OLA1: variants seen among roughly 807,000 people sequenced by gnomAD.
The protein encoded by OLA1 is Obg like ATPase 1.
A neutral mutation model predicts 48.4 loss-of-function variants in OLA1; 14 were observed. The ratio of observed to expected loss-of-function variants is 0.29; its 90% CI spans 0.19 to 0.45. The LOEUF (loss-of-function observed/expected upper bound fraction) is 0.45, where lower values mean the gene tolerates loss of function less well. OLA1 is among the 20% of genes least tolerant of loss of function. The pLI, the probability that OLA1 is intolerant of heterozygous loss-of-function variation, is 1.00. For synonymous variants in OLA1, 127 were observed against 150.4 expected (o/e 0.84, Z 1.14); for missense variants, 325 against 467.1 (o/e 0.70, Z 2.80).
At position 174,247,351 on chromosome 2, in the gene OLA1, G is replaced by A. The variant is rs549536331; in HGVS notation, c.1-536C>T. The A allele has an allele frequency of 5.9e-5, 13 of 219,844 alleles. No homozygotes were observed. In the South Asian group the frequency reaches 9.5e-4, roughly 16 times the overall value. 13.6% of individuals were successfully genotyped at this position (219,844 alleles called of 1,614,324 possible). A position where few individuals can be genotyped will look rare whatever the true frequency, so the allele number is the denominator to read the frequency against. Reference sequence around the variant, plus strand: ...TCACGCCACTGGGCTCTGCCTGAGCGACAAAGCTAGGCTCTGTCTTAAATA... The same window carrying A: ...TCACGCCACTGGGCTCTGCCTGAGCAACAAAGCTAGGCTCTGTCTTAAATA... On this transcript the variant is annotated intron_variant, in intron 1 of 10. Transcript: ENST00000284719.
chr2:174,176,950 G>A (rs777234669), intron 4 of OLA1, among the ~76,000 whole-genome samples: 12 of 152,070 alleles, frequency 7.9e-5, no homozygotes, highest in Non-Finnish European at 1.3e-4. Context: ...ATTGAGAGAA[G>A]CCATCTTATG....
At chr2:174,088,909 T>TAAAG (rs1479039151) in intron 7 of OLA1, among the ~76,000 whole-genome samples, 2 of 151,630 alleles carry the variant, frequency 1.3e-5, no homozygotes, top group African/African-American at 4.8e-5. Context: ...AATAAATAAA[T>TAAAG]AAATAAAGCT....
intron 7 of OLA1, among the ~76,000 whole-genome samples, chr2:174,113,149 C>T (rs889254713): frequency 1.3e-5 from 2 of 152,042 alleles, no homozygotes; most frequent in South Asian, 2.1e-4. Context: ...TTCACCATGT[C>T]GGTCAGGTTG....
intron 10 of OLA1, among the ~76,000 whole-genome samples, chr2:174,077,721 G>A (rs1684779804): frequency 6.6e-6 from 1 of 151,872 alleles, no homozygotes; most frequent in Non-Finnish European, 1.5e-5. Context: ...ATCTACTAAG[G>A]ATTGGTAAAC....
At chr2:174,187,441 T>C (rs182583049) in intron 4 of OLA1, among the ~76,000 whole-genome samples, 12 of 152,194 alleles carry the variant, frequency 7.9e-5, no homozygotes, top group African/African-American at 2.9e-4. Flanking sequence ...CTTGCTATTT[T>C]CAAGGAGTGA....
At chr2:174,203,091 CAT>C (rs1198771033) in intron 4 of OLA1, among the ~76,000 whole-genome samples, 1 of 152,048 alleles carries the variant, frequency 6.6e-6, no homozygotes, top group Non-Finnish European at 1.5e-5. Flanking sequence ...TATTATCGAA[CAT>C]GTCATTTACT....
chr2:174,152,524 T>C (rs1686769570), intron 4 of OLA1, among the ~76,000 whole-genome samples: 2 of 152,204 alleles, frequency 1.3e-5, no homozygotes, highest in South Asian at 2.1e-4. Flanking sequence ...ACAAAATAAC[T>C]AATAGCACAT....
At chr2:174,181,637 T>C (rs1406578589) in intron 4 of OLA1, among the ~76,000 whole-genome samples, 1 of 152,142 alleles carries the variant, frequency 6.6e-6, no homozygotes, top group Non-Finnish European at 1.5e-5. Flanking sequence ...CAAGTGGATG[T>C]AGGGTGACAG....
rs1444830277 is a variant in OLA1, at chr2:174,153,816, CTTA to C, written c.374-11819_374-11817del. On this transcript the variant is annotated intron_variant, in intron 4 of 10. Transcript: ENST00000284719. ...CAACAAGATTTTTCACTTCTTATTC[CTTA>C]TTATATAACAGATACTTTAAATGTG... 2.6e-5 allele frequency among the ~76,000 whole-genome samples: 4 copies of C among 152,238 alleles called. No individual in the cohort carries two copies. In the East Asian group the frequency reaches 7.7e-4, roughly 29 times the overall value.
chr2:174,087,277 C>T (rs1327043679), intron 7 of OLA1, among the ~76,000 whole-genome samples: 1 of 152,060 alleles, frequency 6.6e-6, no homozygotes, highest in African/African-American at 2.4e-5. Context: ...CCACCCGCCT[C>T]GGCCTCCCAA....
chr2:174,212,794 C>T (rs1226679972), intron 4 of OLA1, among the ~76,000 whole-genome samples: 1 of 152,294 alleles, frequency 6.6e-6, no homozygotes, highest in African/African-American at 2.4e-5. Context: ...CTGTCTTCCA[C>T]CTCCACATCT....
intron 3 of OLA1, among the ~76,000 whole-genome samples, chr2:174,225,792 A>G (rs988572623): frequency 5.3e-5 from 8 of 152,216 alleles, no homozygotes; most frequent in East Asian, 1.9e-4. Flanking sequence ...TGACATAACT[A>G]TAAGTGTGAC....
At chr2:174,111,972 C>T (rs932819698) in intron 7 of OLA1, among the ~76,000 whole-genome samples, 3 of 152,112 alleles carry the variant, frequency 2.0e-5, no homozygotes, top group African/African-American at 4.8e-5. Context: ...GAAGTCCATA[C>T]AATTAAAGAT....
chr2:174,152,372 C>T (rs946641017), intron 4 of OLA1, among the ~76,000 whole-genome samples: 2 of 151,998 alleles, frequency 1.3e-5, no homozygotes, highest in Non-Finnish European at 2.9e-5. Flanking sequence ...CACTGCACTC[C>T]AGCCTGGGTG....
chr2:174,170,470 A>C (rs1687271442), intron 4 of OLA1, among the ~76,000 whole-genome samples: 1 of 152,252 alleles, frequency 6.6e-6, no homozygotes, highest in Admixed American at 6.5e-5. Context: ...CAAATAAAAC[A>C]CAAATAAAAA....
At chr2:174,246,655 T>A in intron 2 of OLA1, 60 bp downstream of exon 2, 1 of 1,135,514 alleles carries the variant, frequency 8.8e-7, no homozygotes. Context: ...TTCCCATTTC[T>A]ACAATAGGAC....
chr2:174,193,979 C>A (rs1297498836), intron 4 of OLA1, among the ~76,000 whole-genome samples: 2 of 152,244 alleles, frequency 1.3e-5, no homozygotes, highest in East Asian at 3.9e-4. Context: ...CCCGCATATT[C>A]CTGACAAAGT....
At chr2:174,196,695 T>C (rs1400331613) in intron 4 of OLA1, among the ~76,000 whole-genome samples, 1 of 152,224 alleles carries the variant, frequency 6.6e-6, no homozygotes, top group Non-Finnish European at 1.5e-5. Flanking sequence ...ATGAGCACTT[T>C]GTTCAAATGT....
intron 4 of OLA1, among the ~76,000 whole-genome samples, chr2:174,168,598 C>A (rs1687222374): frequency 6.6e-6 from 1 of 151,916 alleles, no homozygotes; most frequent in South Asian, 2.1e-4. Flanking sequence ...ATTAAAACTA[C>A]CTTCAATAAA....
Sources: gnomAD v4.1 joint callset for allele counts (sites outside exome capture counted in the v4.1 genomes callset) on GRCh38, gnomAD v4.1.1 for gene constraint, MANE v1.5 for transcripts, NCBI Gene and HGNC (gene_info 2026-07-23, HGNC 2026-07-21) for gene names.